Variants in FDX1 observed in about 807,000 individuals in gnomAD.
FDX1 encodes the protein ferredoxin 1.
A neutral mutation model predicts 14.9 loss-of-function variants in FDX1; 9 were observed. The ratio of observed to expected loss-of-function variants is 0.60; its 90% CI spans 0.36 to 1.05. FDX1 has a LOEUF of 1.05. Ranked by LOEUF, FDX1 falls within the 50% of genes least tolerant of loss-of-function variation. FDX1 has a pLI of 0.01. For missense variants in FDX1, 204 were observed against 237.2 expected, an observed-to-expected ratio of 0.86 and a Z score of 0.92; for synonymous variants, 92 against 99.4, an observed-to-expected ratio of 0.93 and a Z score of 0.44.
chr11:110,462,444 C>T lies in FDX1; in HGVS notation c.531C>T (p.Ser177=). ...VPETVADARQ[S]IDVGKTS ...AAACAGTGGCTGATGCCAGACAATC[C>T]ATTGATGTGGGCAAGACCTCCTGAA... The change falls in exon 4 of 4, where the codon TCC becomes TCT. Residue 177 remains serine (S), a synonymous_variant. Coordinates refer to ENST00000260270, the MANE Select transcript of FDX1 (RefSeq NM_004109.5). 1 of 1,555,086 alleles carries T rather than the reference C, an allele frequency of 6.4e-7. No homozygotes were observed. The highest frequency in any genetic ancestry group is 8.9e-7 in the Non-Finnish European group (1 of 1,126,420).
intron 2 of FDX1, among the ~76,000 whole-genome samples, chr11:110,442,863 C>T (rs1023920303): frequency 1.4e-4 from 21 of 152,138 alleles, no homozygotes; most frequent in African/African-American, 3.6e-4. Context: ...TGAATTCCCA[C>T]GGGTTGTGGG....
chr11:110,448,426 T>C (rs1014299606), intron 2 of FDX1, among the ~76,000 whole-genome samples: 1 of 152,068 alleles, frequency 6.6e-6, no homozygotes, highest in African/African-American at 2.4e-5. Flanking sequence ...GGGAAAGGGG[T>C]TAGGTGTCGG....
chr11:110,430,819 C>G (rs572109090), intron 1 of FDX1, among the ~76,000 whole-genome samples: 1 of 152,326 alleles, frequency 6.6e-6, no homozygotes, highest in Admixed American at 6.5e-5. Context: ...AGAATACACC[C>G]AGCCCATACC....
chr11:110,447,977 T>G (rs376549042), intron 2 of FDX1, among the ~76,000 whole-genome samples: 8 of 152,240 alleles, frequency 5.3e-5, no homozygotes, highest in African/African-American at 1.9e-4. Flanking sequence ...AGTGAACACA[T>G]GAATAAAAAG....
chr11:110,444,745 C>CGTATATATATATATATAT (rs1555069161), intron 2 of FDX1, among the ~76,000 whole-genome samples: 1 of 23,756 alleles, frequency 4.2e-5, no homozygotes, highest in African/African-American at 2.5e-4. Context: ...TATATATATA[C>CGTATATATATATATATAT]ACGTATATAT....
At chr11:110,453,643 G>A (rs1946501297) in intron 2 of FDX1, among the ~76,000 whole-genome samples, 1 of 151,390 alleles carries the variant, frequency 6.6e-6, no homozygotes, top group Non-Finnish European at 1.5e-5. Context: ...AAACCGTATA[G>A]GTTAAATCTC....
At chr11:110,459,613 A>C (rs1245303498) in intron 3 of FDX1, among the ~76,000 whole-genome samples, 2 of 152,246 alleles carry the variant, frequency 1.3e-5, no homozygotes, top group Non-Finnish European at 2.9e-5. Flanking sequence ...GAACTAAAGT[A>C]AACCTAATAC....
intron 2 of FDX1, among the ~76,000 whole-genome samples, chr11:110,445,503 A>T (rs1164159125): frequency 6.6e-6 from 1 of 152,218 alleles, no homozygotes; most frequent in Non-Finnish European, 1.5e-5. Context: ...AACATATAAA[A>T]ACATATCATC....
intron 2 of FDX1, among the ~76,000 whole-genome samples, chr11:110,447,875 T>A (rs193233299): frequency 6.1e-4 from 93 of 152,330 alleles, no homozygotes; most frequent in African/African-American, 2.0e-3. Context: ...GTTTAGTAAT[T>A]ATGTATTTCT....
In FDX1 at chr11:110,464,501, G is replaced by A. The variant is rs1255838745; in HGVS notation, c.*2033G>A. On this transcript the variant is annotated 3_prime_UTR_variant, in exon 4 of 4. Coordinates refer to ENST00000260270, the MANE Select transcript of FDX1 (RefSeq NM_004109.5). ...CTTCTGACATAACTAACCCACACCT[G>A]AGATAACGGCATTAATCCATTCATG... The A allele has an allele frequency of 1.3e-5, 2 of 152,130 alleles. No homozygotes were observed. The highest frequency in any genetic ancestry group is 2.4e-5 in the African/African-American group (1 of 41,444). The allele number at this position is 152,130 out of a possible 1,614,324, so 9.4% of individuals were successfully genotyped here.
intron 2 of FDX1, among the ~76,000 whole-genome samples, chr11:110,438,592 A>AT (rs1946385573): frequency 6.6e-6 from 1 of 151,882 alleles, no homozygotes; most frequent in African/African-American, 2.4e-5. Flanking sequence ...CGGCTAGCAA[A>AT]TTTTTATATT....
intron 2 of FDX1, among the ~76,000 whole-genome samples, chr11:110,438,559 G>A (rs532434399): frequency 4.0e-4 from 61 of 151,992 alleles, no homozygotes; most frequent in African/African-American, 1.4e-3. Context: ...CTGAGTAGCT[G>A]GAATTATAAA....
chr11:110,437,052 G>A (rs1404763979), intron 2 of FDX1, among the ~76,000 whole-genome samples: 2 of 152,156 alleles, frequency 1.3e-5, no homozygotes, highest in Admixed American at 6.5e-5. Flanking sequence ...CTGAAGTGCG[G>A]TCGTGCAATC....
chr11:110,448,787 G>C (rs917750741), intron 2 of FDX1, among the ~76,000 whole-genome samples: 4 of 152,146 alleles, frequency 2.6e-5, no homozygotes, highest in Non-Finnish European at 4.4e-5. Flanking sequence ...TCTTACTCTA[G>C]CAAAATCAGA....
chr11:110,449,250 G>A (rs770221138), intron 2 of FDX1, among the ~76,000 whole-genome samples: 4 of 152,210 alleles, frequency 2.6e-5, no homozygotes, highest in Admixed American at 6.5e-5. Flanking sequence ...GTACTAAAAT[G>A]TATATACTTT....
chr11:110,457,792 A>G (rs1231294248), intron 3 of FDX1, among the ~76,000 whole-genome samples: 1 of 152,230 alleles, frequency 6.6e-6, no homozygotes, highest in Non-Finnish European at 1.5e-5. Flanking sequence ...TATAGCTACA[A>G]TTTTGTTATA....
intron 3 of FDX1, among the ~76,000 whole-genome samples, chr11:110,458,780 G>A (rs1028680214): frequency 6.6e-6 from 1 of 151,990 alleles, no homozygotes. Flanking sequence ...GCTAATTTTT[G>A]TATTTTGAGT....
intron 2 of FDX1, among the ~76,000 whole-genome samples, chr11:110,455,183 T>G (rs1384477758): frequency 6.6e-6 from 1 of 152,106 alleles, no homozygotes. Flanking sequence ...GTTTTTGTAT[T>G]TTTAGTAGAG....
At chr11:110,461,328 T>C (rs182567668) in intron 3 of FDX1, among the ~76,000 whole-genome samples, 1 of 151,896 alleles carries the variant, frequency 6.6e-6, no homozygotes, top group African/African-American at 2.4e-5. Flanking sequence ...AAACCTTGTC[T>C]CTACAAAAAA....
Sources: allele counts gnomAD v4.1 joint callset (sites outside exome capture counted in the v4.1 genomes callset), GRCh38; gene constraint gnomAD v4.1.1; transcripts MANE v1.5; gene names NCBI Gene and HGNC (gene_info 2026-07-23, HGNC 2026-07-21).